SLC13A1: variants seen among roughly 807,000 people sequenced by gnomAD.
The protein encoded by SLC13A1 is solute carrier family 13 member 1, also known as Na(+)/sulfate cotransporter.
A neutral mutation model predicts 70.0 loss-of-function variants in SLC13A1; 65 were observed. The ratio of observed to expected loss-of-function variants is 0.93; its 90% CI spans 0.76 to 1.14. The LOEUF (loss-of-function observed/expected upper bound fraction) is 1.14. SLC13A1 is among the 50% of genes most tolerant of loss of function. The pLI is 0.00. For missense variants in SLC13A1, 726 were observed against 717.8 expected (o/e 1.01, Z -0.13); for synonymous variants, 275 against 250.5 (o/e 1.10, Z -0.92).
intron 8 of SLC13A1, among the ~76,000 whole-genome samples, chr7:123,132,409 T>C (rs1280411197): frequency 2.0e-5 from 3 of 152,312 alleles, no homozygotes; most frequent in African/African-American, 4.8e-5. Flanking sequence ...TTTGCTCTTG[T>C]CACACAGGTT....
intron 2 of SLC13A1, among the ~76,000 whole-genome samples, chr7:123,178,237 G>A (rs540180617): frequency 1.3e-4 from 20 of 151,904 alleles, no homozygotes; most frequent in Non-Finnish European, 2.5e-4. Flanking sequence ...ACAGTAATGG[G>A]CTCAGCAAAA....
At chr7:123,158,957 C>G (rs1220890775) in intron 6 of SLC13A1, among the ~76,000 whole-genome samples, 4 of 151,922 alleles carry the variant, frequency 2.6e-5, no homozygotes, top group African/African-American at 9.7e-5. Flanking sequence ...ACCATGACCC[C>G]AGATAGGGGG....
At chr7:123,185,042 T>C (rs1047911121) in intron 1 of SLC13A1, among the ~76,000 whole-genome samples, 1 of 152,082 alleles carries the variant, frequency 6.6e-6, no homozygotes, top group Non-Finnish European at 1.5e-5. Context: ...AAGAGTGATG[T>C]CGAGCATTTT....
chr7:123,190,872 G>A (rs34759375), intron 1 of SLC13A1, among the ~76,000 whole-genome samples: 49,391 of 151,846 alleles, frequency 0.33, 8,982 homozygotes, highest in South Asian at 0.4. Context: ...TATCTAACTA[G>A]TTTTATTTTA....
chr7:123,153,741 C>T (rs1412134126), intron 6 of SLC13A1, among the ~76,000 whole-genome samples: 1 of 151,880 alleles, frequency 6.6e-6, no homozygotes, highest in Non-Finnish European at 1.5e-5. Flanking sequence ...GACATTGTCA[C>T]AGGTATATTA....
At chr7:123,174,204 G>T (rs988877436) in intron 2 of SLC13A1, among the ~76,000 whole-genome samples, 15 of 151,912 alleles carry the variant, frequency 9.9e-5, no homozygotes, top group Non-Finnish European at 1.9e-4. Context: ...ATGAACCTTT[G>T]TTAAATGAAT....
intron 1 of SLC13A1, among the ~76,000 whole-genome samples, chr7:123,188,280 G>C (rs115692107): frequency 0.011 from 1,642 of 152,130 alleles, 23 homozygotes; most frequent in African/African-American, 0.038. Context: ...GTTTCTTGAG[G>C]CCTCCCAGTC....
chr7:123,149,977 G>T (rs574829272), intron 6 of SLC13A1, among the ~76,000 whole-genome samples: 3 of 152,098 alleles, frequency 2.0e-5, no homozygotes, highest in Admixed American at 2.0e-4. Flanking sequence ...AATTCCAACT[G>T]ATTTATAAAC....
At chr7:123,159,343 T>C (rs1379510546) in intron 6 of SLC13A1, among the ~76,000 whole-genome samples, 1 of 152,176 alleles carries the variant, frequency 6.6e-6, no homozygotes, top group Non-Finnish European at 1.5e-5. Context: ...CCTAATCCGA[T>C]AGGGCTGATG....
At chr7:123,135,714 A>T (rs938912029) in intron 7 of SLC13A1, among the ~76,000 whole-genome samples, 9 of 151,884 alleles carry the variant, frequency 5.9e-5, no homozygotes, top group East Asian at 1.9e-4. Context: ...GGCCCTCAAA[A>T]CTCTAGATTT....
intron 1 of SLC13A1, 107 bp downstream of exon 1, chr7:123,199,741 C>T (rs527556718): frequency 2.6e-6 from 2 of 765,724 alleles, no homozygotes; most frequent in East Asian, 2.6e-5. Flanking sequence ...TATGAAGGGT[C>T]AACATTCATT....
At chr7:123,149,097 A>G in intron 6 of SLC13A1, among the ~76,000 whole-genome samples, 1 of 152,072 alleles carries the variant, frequency 6.6e-6, no homozygotes, top group East Asian at 1.9e-4. Context: ...CTGCCTGGTG[A>G]CGTATGACAC....
chr7:123,196,728 T>C (rs1178819606), intron 1 of SLC13A1, among the ~76,000 whole-genome samples: 1 of 152,048 alleles, frequency 6.6e-6, no homozygotes, highest in African/African-American at 2.4e-5. Flanking sequence ...ATTGAGGAAA[T>C]GGTTAAAACA....
chr7:123,115,446 G>C lies in SLC13A1; in HGVS notation c.*72C>G, dbSNP rs1793146991. ...TTAAATGTGTGTCATTAGTTATTTA[G>C]AGCCACATTTTACAGTCAATCATTA... On this transcript the variant is annotated 3_prime_UTR_variant, in exon 15 of 15. Transcript: ENST00000194130. The C allele has an allele frequency of 6.7e-7, 1 of 1,487,092 alleles. No individual in the cohort carries two copies. The highest frequency in any genetic ancestry group is 1.4e-5 in the African/African-American group (1 of 72,128). 92.1% of individuals were successfully genotyped at this position (1,487,092 alleles called of 1,614,324 possible). A position where few individuals can be genotyped will look rare whatever the true frequency, so the allele number is the denominator to read the frequency against.
intron 1 of SLC13A1, among the ~76,000 whole-genome samples, chr7:123,186,264 G>A (rs1795795825): frequency 6.6e-6 from 1 of 151,924 alleles, no homozygotes; most frequent in Admixed American, 6.6e-5. Flanking sequence ...ATTCACACAT[G>A]CACACAAAGA....
chr7:123,180,133 T>C (rs1419785107), intron 2 of SLC13A1, among the ~76,000 whole-genome samples: 1 of 151,644 alleles, frequency 6.6e-6, no homozygotes, highest in Admixed American at 6.6e-5. Context: ...TCAGGGAGGA[T>C]AAAAAGTGCA....
rs560536736 is a variant in SLC13A1, at chr7:123,114,413, C to G, written c.*1105G>C. 2.3e-5 allele frequency: 3 copies of G among 129,010 alleles called. No individual in the cohort carries two copies. Among genetic ancestry groups the G allele is most frequent in the African/African-American group, 8.7e-5 (3 of 34,564 alleles). 8.0% of individuals were successfully genotyped at this position (129,010 alleles called of 1,614,324 possible). A position where few individuals can be genotyped will look rare whatever the true frequency, so the allele number is the denominator to read the frequency against. ...CTCACTTCTAGAAGACTATTCTTAT[C>G]CCATTTTTGTTTAAATGTTTAGTTT... On this transcript the variant is annotated 3_prime_UTR_variant, in exon 15 of 15. Coordinates refer to ENST00000194130, the MANE Select transcript of SLC13A1 (RefSeq NM_022444.4).
At chr7:123,193,872 C>T (rs1368796360) in intron 1 of SLC13A1, among the ~76,000 whole-genome samples, 1 of 152,144 alleles carries the variant, frequency 6.6e-6, no homozygotes, top group African/African-American at 2.4e-5. Flanking sequence ...CCTCTGGTTA[C>T]ACCTACATTC....
intron 2 of SLC13A1, among the ~76,000 whole-genome samples, chr7:123,176,772 C>A (rs1331746189): frequency 6.6e-6 from 1 of 152,130 alleles, no homozygotes; most frequent in Non-Finnish European, 1.5e-5. Context: ...ATTCCAAGAT[C>A]CCACACCCTC....
Sources: gnomAD v4.1 joint callset for allele counts (sites outside exome capture counted in the v4.1 genomes callset) on GRCh38, gnomAD v4.1.1 for gene constraint, MANE v1.5 for transcripts, NCBI Gene and HGNC (gene_info 2026-07-23, HGNC 2026-07-21) for gene names.